The following CCDC7 variants were observed in gnomAD, a reference collection of about 807,000 sequenced individuals.
CCDC7 encodes the protein coiled-coil domain containing 7.
CCDC7 carries 183 observed loss-of-function variants against 196.9 expected under a neutral mutation model. That is an observed-to-expected ratio of 0.93 (90% CI 0.82 to 1.05). The LOEUF is 1.05. Ranked by LOEUF, CCDC7 falls within the 50% of genes least tolerant of loss-of-function variation. CCDC7 has a pLI of 0.00. For missense variants in CCDC7, 1,540 were observed against 1,482.2 expected, an observed-to-expected ratio of 1.04 and a Z score of -0.64; for synonymous variants, 525 against 484.6, an observed-to-expected ratio of 1.08 and a Z score of -1.10.
chr10:32,552,400 GA>G (rs2053618907), intron 13 of CCDC7, among the ~76,000 whole-genome samples: 1 of 152,196 alleles, frequency 6.6e-6, no homozygotes, highest in African/African-American at 2.4e-5. Context: ...TGTTAGTAAT[GA>G]AATGTGAGGT....
chr10:32,648,329 A>G (rs1358535575), intron 20 of CCDC7, among the ~76,000 whole-genome samples: 3 of 151,976 alleles, frequency 2.0e-5, no homozygotes, highest in Non-Finnish European at 4.4e-5. Flanking sequence ...TTGCTTCCAT[A>G]TAAGTTTTAG....
At chr10:32,525,584 T>C (rs2048545419) in intron 11 of CCDC7, among the ~76,000 whole-genome samples, 1 of 152,208 alleles carries the variant, frequency 6.6e-6, no homozygotes, top group South Asian at 2.1e-4. Flanking sequence ...GGTTATGTTT[T>C]CTTAGATGGT....
intron 8 of CCDC7, among the ~76,000 whole-genome samples, chr10:32,484,473 T>C (rs1480025419): frequency 1.3e-5 from 2 of 152,194 alleles, no homozygotes; most frequent in Non-Finnish European, 2.9e-5. Context: ...CTTTTCCTAA[T>C]TCAATACCCT....
chr10:32,694,865 A>T lies in CCDC7; in HGVS notation c.2345-14A>T. 6.7e-7 allele frequency: 1 copy of T among 1,490,656 alleles called. No homozygotes were observed. The highest frequency in any genetic ancestry group is 9.1e-7 in the Non-Finnish European group (1 of 1,097,968). 92.3% of individuals were successfully genotyped at this position (1,490,656 alleles called of 1,614,324 possible). ...GTTTTTCCATTAAGAGACTAAATGC[A>T]TCTCCTTATGTAGCTCATGATGAAG... On this transcript the variant is annotated splice_polypyrimidine_tract_variant and intron_variant, in intron 23 of 41. Coordinates refer to ENST00000639629, the Ensembl canonical transcript of CCDC7.
At chr10:32,717,349 A>G (rs2081754172) in intron 25 of CCDC7, among the ~76,000 whole-genome samples, 1 of 152,218 alleles carries the variant, frequency 6.6e-6, no homozygotes, top group South Asian at 2.1e-4. Context: ...CAAAGACACA[A>G]TGTACAAGAA....
At chr10:32,622,085 C>T (rs1984072) in intron 18 of CCDC7, among the ~76,000 whole-genome samples, 16,006 of 152,162 alleles carry the variant, frequency 0.11, 1,042 homozygotes, top group South Asian at 0.25. Flanking sequence ...CCTTTCTCTA[C>T]GGAATTCAGT....
intron 20 of CCDC7, among the ~76,000 whole-genome samples, chr10:32,646,285 ATTGT>A (rs1465634792): frequency 6.7e-6 from 1 of 149,340 alleles, no homozygotes; most frequent in African/African-American, 2.5e-5. Flanking sequence ...TCTTTGATGC[ATTGT>A]TTTTTTCATG....
intron 28 of CCDC7, among the ~76,000 whole-genome samples, chr10:32,750,919 A>G (rs1009647743): frequency 2.0e-5 from 3 of 152,204 alleles, no homozygotes; most frequent in African/African-American, 7.2e-5. Context: ...GTAACCTACA[A>G]CATTCATTGT....
chr10:32,604,060 T>G (rs2061339445), intron 18 of CCDC7, among the ~76,000 whole-genome samples: 1 of 152,156 alleles, frequency 6.6e-6, no homozygotes, highest in African/African-American at 2.4e-5. Flanking sequence ...TGCGTTTTCT[T>G]CTAGTAGTTT....
At chr10:32,649,234 C>T (rs759566002) in intron 20 of CCDC7, among the ~76,000 whole-genome samples, 5 of 152,104 alleles carry the variant, frequency 3.3e-5, no homozygotes, top group Non-Finnish European at 7.4e-5. Flanking sequence ...ATGGGATGAT[C>T]TGTGCAGTAA....
chr10:32,584,192 A>G, intron 17 of CCDC7, 40 bp from the exon 19 acceptor site: 3 of 1,101,794 alleles, frequency 2.7e-6, no homozygotes, highest in Non-Finnish European at 3.9e-6. Flanking sequence ...ATATATATGT[A>G]TATAATTTCT....
chr10:32,480,078 G>C (rs2039693552), intron 8 of CCDC7, among the ~76,000 whole-genome samples: 1 of 151,692 alleles, frequency 6.6e-6, no homozygotes, highest in African/African-American at 2.4e-5. Flanking sequence ...TGTTACTTGA[G>C]TCTTGCTGTT....
intron 21 of CCDC7, among the ~76,000 whole-genome samples, chr10:32,674,313 T>C (rs1011538296): frequency 6.6e-6 from 1 of 152,056 alleles, no homozygotes; most frequent in Non-Finnish European, 1.5e-5. Flanking sequence ...CAAGATAGTT[T>C]CTAATTTCCC....
intron 18 of CCDC7, among the ~76,000 whole-genome samples, chr10:32,620,307 T>C (rs1468371754): frequency 6.6e-6 from 1 of 152,230 alleles, no homozygotes; most frequent in Admixed American, 6.5e-5. Flanking sequence ...ATTTGTGATT[T>C]CATCTCAAAT....
At chr10:32,449,167 GT>G (rs1228696695), upstream of CCDC7, among the ~76,000 whole-genome samples, 7 of 151,906 alleles carry the variant, frequency 4.6e-5, no homozygotes, top group African/African-American at 1.4e-4. Flanking sequence ...ACTAAAACAT[GT>G]TTTTTAGTTT....
intron 16 of CCDC7, among the ~76,000 whole-genome samples, chr10:32,574,957 A>T (rs921253880): frequency 3.9e-5 from 6 of 152,188 alleles, no homozygotes; most frequent in African/African-American, 1.4e-4. Context: ...TCACCTTCAT[A>T]TGTCCAGTTC....
chr10:32,623,727 A>G (rs1018112639), intron 18 of CCDC7: 1 of 469,732 alleles, frequency 2.1e-6, no homozygotes, highest in Non-Finnish European at 4.4e-6. Context: ...AGGCAGTACA[A>G]GAAACATGGT....
chr10:32,711,418 T>A (rs989603093), intron 24 of CCDC7, among the ~76,000 whole-genome samples: 4 of 152,188 alleles, frequency 2.6e-5, no homozygotes, highest in Non-Finnish European at 5.9e-5. Context: ...TATCTAGGAA[T>A]ATTTATGAAA....
intron 29 of CCDC7, among the ~76,000 whole-genome samples, chr10:32,798,006 T>A (rs1228165970): frequency 6.6e-6 from 1 of 152,222 alleles, no homozygotes; most frequent in Non-Finnish European, 1.5e-5. Context: ...GCTGCACTTC[T>A]TTATCTATAA....
Sources: allele counts gnomAD v4.1 joint callset (sites outside exome capture counted in the v4.1 genomes callset), GRCh38; gene constraint gnomAD v4.1.1; transcripts MANE v1.5; gene names NCBI Gene and HGNC (gene_info 2026-07-23, HGNC 2026-07-21).